Variants in CENPK observed in about 807,000 individuals in gnomAD.
CENPK encodes the protein SoxLZ/Sox6-binding protein Solt.
A neutral mutation model predicts 40.9 loss-of-function variants in CENPK; 46 were observed. The observed-to-expected ratio is 1.13, with a 90% CI of 0.89 to 1.44. The LOEUF (loss-of-function observed/expected upper bound fraction) is 1.44. CENPK is among the 40% of genes most tolerant of loss of function. The pLI is 0.00. For missense variants in CENPK, 288 were observed against 303.5 expected, an observed-to-expected ratio of 0.95 and a Z score of 0.38; for synonymous variants, 107 against 104.4, an observed-to-expected ratio of 1.02 and a Z score of -0.15.
the CENPK span, among the ~76,000 whole-genome samples, chr5:65,508,786 TAAAA>T: frequency 2.3e-5 from 2 of 86,002 alleles, no homozygotes; most frequent in African/African-American, 4.5e-5. Context: ...AGACTCCATC[TAAAA>T]AAAAAAAAAA....
intron 6 of CENPK, among the ~76,000 whole-genome samples, chr5:65,536,640 A>G (rs1238716148): frequency 7.8e-6 from 1 of 128,556 alleles, no homozygotes; most frequent in Non-Finnish European, 1.7e-5. Context: ...AAATATATAT[A>G]TATGTAGGGA....
At position 65,552,493 on chromosome 5, in the gene CENPK, C is replaced by G; in HGVS notation, c.168G>C (p.Gln56His). The G allele has an allele frequency of 1.3e-6, 2 of 1,534,918 alleles. No homozygotes were observed. The highest frequency in any genetic ancestry group is 1.8e-6 in the Non-Finnish European group (2 of 1,137,226). ...GTETLTDSNA[Q>H]LSLLIMQVKC... ...TTTTTAGGAAGAAAAAGATTCATAC[C>G]TGAGCATTTGAATCGGTGAGTGTTT... Residue 56 changes from glutamine (Q) to histidine (H), a missense_variant and splice_region_variant, in exon 4 of 11, where the codon CAG (glutamine) becomes CAC (histidine). Coordinates refer to ENST00000396679, the MANE Select transcript of CENPK (RefSeq NM_022145.5).
At position 65,518,302 on chromosome 5, in the gene CENPK, G is replaced by A. The variant is rs1743068751; in HGVS notation, c.*173C>T. On this transcript the variant is annotated 3_prime_UTR_variant, in exon 11 of 11. Transcript: ENST00000396679. ...AAACACTAAAGCACTCACTGAATAA[G>A]AAATGACCATTTAAAAATGAATAAT... 4.9e-6 allele frequency: 3 copies of A among 608,500 alleles called. No homozygotes were observed. Among genetic ancestry groups the A allele is most frequent in the Non-Finnish European group, 8.4e-6 (3 of 358,970 alleles). The allele number at this position is 608,500 out of a possible 1,614,324, so 37.7% of individuals were successfully genotyped here.
intron 4 of CENPK, 132 bp from the exon 5 acceptor site, chr5:65,551,768 G>A (rs1750103851): frequency 4.5e-6 from 2 of 442,410 alleles, no homozygotes; most frequent in South Asian, 6.9e-5. Flanking sequence ...TGCTCCAGAG[G>A]CAACTTTATT....
intron 8 of CENPK, 69 bp from the exon 9 acceptor site, chr5:65,528,647 T>A: frequency 7.1e-7 from 1 of 1,398,898 alleles, no homozygotes; most frequent in East Asian, 2.6e-5. Context: ...AACTAGTTAT[T>A]CATGAAGTTG....
chr5:65,519,311 G>C (rs1216527216), intron 10 of CENPK, among the ~76,000 whole-genome samples: 1 of 152,232 alleles, frequency 6.6e-6, no homozygotes, highest in Non-Finnish European at 1.5e-5. Context: ...TTGAGAATCA[G>C]CTGTCTTTCC....
At chr5:65,511,689 T>C in the CENPK span, among the ~76,000 whole-genome samples, 1 of 152,190 alleles carries the variant, frequency 6.6e-6, no homozygotes, top group Admixed American at 6.5e-5. Context: ...CATTAGATTC[T>C]TACAGGAGCA....
At chr5:65,523,887 C>G (rs972093392) in intron 9 of CENPK, among the ~76,000 whole-genome samples, 2 of 152,026 alleles carry the variant, frequency 1.3e-5, no homozygotes, top group African/African-American at 4.8e-5. Context: ...ATACCACATT[C>G]CATCTTAAAA....
intron 4 of CENPK, 69 bp from the exon 5 acceptor site, chr5:65,551,705 C>G (rs1040354532): frequency 4.4e-6 from 4 of 901,820 alleles, no homozygotes; most frequent in Middle Eastern, 2.3e-4. Context: ...AAAATATAAA[C>G]ATTCTTAATA....
intron 10 of CENPK, 69 bp downstream of exon 10, chr5:65,521,406 G>A (rs1743715639): frequency 8.6e-7 from 1 of 1,168,852 alleles, no homozygotes; most frequent in Admixed American, 2.1e-5. Flanking sequence ...TGTTTTTCAA[G>A]TCTGAGTATA....
chr5:65,502,111 CTT>C, the CENPK span, among the ~76,000 whole-genome samples: 3 of 152,052 alleles, frequency 2.0e-5, no homozygotes, highest in African/African-American at 7.2e-5. Flanking sequence ...TACTTTTGGC[CTT>C]TTTGGACAGG....
chr5:65,547,400 A>C (rs1749199691), intron 5 of CENPK, among the ~76,000 whole-genome samples: 1 of 151,896 alleles, frequency 6.6e-6, no homozygotes, highest in Admixed American at 6.6e-5. Flanking sequence ...CAAAAAAAAA[A>C]AAAAAAAATT....
intron 6 of CENPK, among the ~76,000 whole-genome samples, chr5:65,533,586 A>AC (rs1328344690): frequency 6.6e-6 from 1 of 151,958 alleles, no homozygotes; most frequent in Non-Finnish European, 1.5e-5. Context: ...CAGCAAAATA[A>AC]CCCCCCAAAA....
At chr5:65,534,366 G>A (rs1746491913) in intron 6 of CENPK, among the ~76,000 whole-genome samples, 1 of 152,052 alleles carries the variant, frequency 6.6e-6, no homozygotes, top group Non-Finnish European at 1.5e-5. Flanking sequence ...GGGGCAGAAT[G>A]ACAAACCAAT....
At chr5:65,521,573 GCC>G in intron 9 of CENPK, 45 bp from the exon 10 acceptor site, 1 of 1,251,962 alleles carries the variant, frequency 8.0e-7, no homozygotes, top group Non-Finnish European at 1.2e-6. Flanking sequence ...CTTCACTTCT[GCC>G]AATGGTGAAA....
chr5:65,546,530 T>C (rs951240425), intron 5 of CENPK, among the ~76,000 whole-genome samples: 3 of 152,224 alleles, frequency 2.0e-5, no homozygotes, highest in African/African-American at 7.2e-5. Context: ...TATATAGATT[T>C]GTAAATTGTT....
At position 65,532,910 on chromosome 5, in the gene CENPK, CAAAAAAAAAA is replaced by C. The variant is rs60713724; in HGVS notation, c.289-3721_289-3712del. 1.9e-3 allele frequency among the ~76,000 whole-genome samples: 71 copies of C among 37,014 alleles called. 1 individual carries two copies. Among genetic ancestry groups the C allele is most frequent in the African/African-American group, 6.4e-3 (63 of 9,902 alleles). The allele number at this position is 37,014 out of a possible 152,430, so 24.3% of individuals were successfully genotyped here. On this transcript the variant is annotated intron_variant, in intron 6 of 10. Coordinates refer to ENST00000396679, the MANE Select transcript of CENPK (RefSeq NM_022145.5). ...GACAACAAGAGCGAAACTCCATCTC[CAAAAAAAAAA>C]AAAAAAAAAAAAAAAATCAATTTTA...
rs1282542104 is a variant in CENPK, at chr5:65,551,726, T to C, written c.169-90A>G. The stretch of plus-strand genomic sequence containing the variant: ...TAAACATTCTTAATATTTTAAAACT[T>C]TGCAGGGGGGTGGCATCCCTAACTC... On this transcript the variant is annotated intron_variant, in intron 4 of 10. Transcript: ENST00000396679. 6.1e-6 allele frequency: 4 copies of C among 654,734 alleles called. No individual in the cohort carries two copies. In the African/African-American group the frequency reaches 7.7e-5, roughly 13 times the overall value. 40.6% of individuals were successfully genotyped at this position (654,734 alleles called of 1,614,324 possible). A position where few individuals can be genotyped will look rare whatever the true frequency, so the allele number is the denominator to read the frequency against.
intron 9 of CENPK, among the ~76,000 whole-genome samples, chr5:65,523,452 C>G (rs943514488): frequency 1.3e-5 from 2 of 149,582 alleles, no homozygotes; most frequent in African/African-American, 4.9e-5. Context: ...TGCAGAAATA[C>G]AAATATATTA....
Sources: allele counts gnomAD v4.1 joint callset (sites outside exome capture counted in the v4.1 genomes callset), GRCh38; gene constraint gnomAD v4.1.1; transcripts MANE v1.5; gene names NCBI Gene and HGNC (gene_info 2026-07-23, HGNC 2026-07-21).